The following ANKRD42 variants were observed in gnomAD, a reference collection of about 807,000 sequenced individuals.
ANKRD42 encodes ankyrin repeat domain-containing protein 42.
Under a neutral mutation model 51.5 loss-of-function variants are expected in ANKRD42, and 43 were observed. The ratio of observed to expected loss-of-function variants is 0.83; its 90% confidence interval spans 0.65 to 1.08. The LOEUF is 1.08. Ranked by LOEUF, ANKRD42 falls within the 50% of genes least tolerant of loss-of-function variation. The probability of loss-of-function intolerance (pLI) is 0.00; values close to 1 mark genes in which losing one functional copy is unlikely to be tolerated. For synonymous variants in ANKRD42, 203 were observed against 213.0 expected (o/e 0.95, Z 0.41); for missense variants, 608 against 629.3 (o/e 0.97, Z 0.36).
At chr11:83,234,060 G>T (rs536836920) in intron 7 of ANKRD42, among the ~76,000 whole-genome samples, 2 of 152,076 alleles carry the variant, frequency 1.3e-5, no homozygotes, top group African/African-American at 4.8e-5. Flanking sequence ...TCTTAGTACT[G>T]CTTTTGCTCT....
chr11:83,214,498 C>T (rs1862453544), intron 5 of ANKRD42: 2 of 978,588 alleles, frequency 2.0e-6, no homozygotes, highest in Non-Finnish European at 2.4e-6. Flanking sequence ...TATTTATAAC[C>T]AGGTAGAGTA....
downstream of ANKRD42, among the ~76,000 whole-genome samples, chr11:83,258,166 A>G (rs906603182): frequency 8.5e-5 from 13 of 152,200 alleles, no homozygotes; most frequent in Non-Finnish European, 1.8e-4. Context: ...GAGCTGACAT[A>G]TTAGCCCTAG....
chr11:83,205,358 C>T (rs1862030807), intron 2 of ANKRD42, among the ~76,000 whole-genome samples: 1 of 152,110 alleles, frequency 6.6e-6, no homozygotes, highest in African/African-American at 2.4e-5. Context: ...ATGATATTTA[C>T]TTGATAAGCC....
downstream of ANKRD42, chr11:83,261,932 T>C: frequency 6.2e-7 from 1 of 1,604,162 alleles, no homozygotes; most frequent in South Asian, 1.1e-5. Context: ...ATCTATAAAA[T>C]CCCAATGCTA....
chr11:83,199,980 C>T (rs905010268), intron 2 of ANKRD42, among the ~76,000 whole-genome samples: 9 of 152,104 alleles, frequency 5.9e-5, no homozygotes, highest in African/African-American at 2.2e-4. Flanking sequence ...TGTTTCCTCC[C>T]ACATTCCTAT....
In ANKRD42 at chr11:83,211,296, A is replaced by T. The variant is rs1347874445; in HGVS notation, c.452A>T (p.Asp151Val). Residue 151 changes from aspartate to valine, a missense_variant and splice_region_variant, in exon 5 of 11, where the codon GAT becomes GTT. Asp to Val is a radical substitution (Grantham distance 152). Transcript: ENST00000533342. ...TLQIMLRSGVDPSVTDKREWR... is the reference protein window; with the variant it reads ...TLQIMLRSGVVPSVTDKREWR... ...AGTCCTTGTGAATGTTACCTCTAGG[A>T]TCCCAGTGTGACTGATAAGAGAGAA... 1 of 1,614,172 alleles carries T rather than the reference A, an allele frequency of 6.2e-7. No homozygotes were observed. The highest frequency in any genetic ancestry group is 1.7e-5 in the Admixed American group (1 of 60,020).
downstream of ANKRD42, among the ~76,000 whole-genome samples, chr11:83,250,964 TCA>T (rs1242282368): frequency 6.6e-6 from 1 of 152,172 alleles, no homozygotes; most frequent in Non-Finnish European, 1.5e-5. Flanking sequence ...TCCATTTGAC[TCA>T]CAGTGGTCAG....
chr11:83,258,341 T>C (rs749681364), downstream of ANKRD42, among the ~76,000 whole-genome samples: 73 of 151,634 alleles, frequency 4.8e-4, no homozygotes, highest in Non-Finnish European at 9.6e-4. Flanking sequence ...TTTAGGTTAA[T>C]GAAACAAAAA....
chr11:83,248,439 A>C lies in ANKRD42; in HGVS notation c.*235A>C. 8.4e-7 allele frequency: 1 copy of C among 1,192,628 alleles called. No homozygotes were observed. The highest frequency in any genetic ancestry group is 1.0e-6 in the Non-Finnish European group (1 of 964,686). 73.9% of individuals were successfully genotyped at this position (1,192,628 alleles called of 1,614,324 possible). On this transcript the variant is annotated 3_prime_UTR_variant, in exon 11 of 11. Coordinates refer to ENST00000533342, the MANE Select transcript of ANKRD42 (RefSeq NM_001300975.2). The stretch of plus-strand genomic sequence containing the variant: ...TATTATTGTTAACATTGTACCATAG[A>C]AGGAGAAAATGTTTTCATAAGTAAT...
Position 83,194,545 on chromosome 11 carries a change from C to T in ANKRD42, c.-126C>T, listed in dbSNP as rs750025243. The T allele has an allele frequency of 3.8e-5, 34 of 890,574 alleles. No individual in the cohort carries two copies. Among genetic ancestry groups the T allele is most frequent in the Non-Finnish European group, 3.7e-6 (2 of 546,258 alleles). The allele number at this position is 890,574 out of a possible 1,614,324, so 55.2% of individuals were successfully genotyped here. Reference sequence around the variant, plus strand: ...GAGAGCAAGAGAGGACCTTGGGCCCCGTCCTAGTGACGACGGAGAAGAGGG... The same window carrying T: ...GAGAGCAAGAGAGGACCTTGGGCCCTGTCCTAGTGACGACGGAGAAGAGGG... On this transcript the variant is annotated 5_prime_UTR_variant, in exon 1 of 11. Transcript: ENST00000533342.
Position 83,248,655 on chromosome 11 carries a change from C to G in ANKRD42, c.*451C>G. The G allele has an allele frequency of 8.1e-6, 8 of 984,936 alleles. No homozygotes were observed. Among genetic ancestry groups the G allele is most frequent in the Non-Finnish European group, 9.6e-6 (8 of 829,562 alleles). 61.0% of individuals were successfully genotyped at this position (984,936 alleles called of 1,614,324 possible). A position where few individuals can be genotyped will look rare whatever the true frequency, so the allele number is the denominator to read the frequency against. On this transcript the variant is annotated 3_prime_UTR_variant, in exon 11 of 11. Transcript: ENST00000533342. Reference sequence around the variant, plus strand: ...GATCTATTAATATTATAGAATCTTCCTGGCTTCTTTTTATTTTGCACAAAC... The same window carrying G: ...GATCTATTAATATTATAGAATCTTCGTGGCTTCTTTTTATTTTGCACAAAC...
chr11:83,228,052 T>C (rs1395043440), intron 7 of ANKRD42, among the ~76,000 whole-genome samples, 180 bp downstream of exon 7: 1 of 152,150 alleles, frequency 6.6e-6, no homozygotes, highest in Non-Finnish European at 1.5e-5. Flanking sequence ...GTAATGTTTC[T>C]TTTATGATGC....
chr11:83,237,677 T>C (rs1863263302), intron 8 of ANKRD42, among the ~76,000 whole-genome samples: 2 of 152,238 alleles, frequency 1.3e-5, no homozygotes, highest in South Asian at 4.1e-4. Flanking sequence ...ACCATGTACC[T>C]GGGATCATTG....
At chr11:83,260,409 A>C (rs1863875136), downstream of ANKRD42, 1 of 152,218 alleles carries the variant, frequency 6.6e-6, no homozygotes, top group South Asian at 2.1e-4. Context: ...AGTGAAAATT[A>C]ATCTATAATA....
chr11:83,249,171 T>A (rs1208909477), downstream of ANKRD42, among the ~76,000 whole-genome samples: 2 of 152,202 alleles, frequency 1.3e-5, no homozygotes, highest in Admixed American at 1.3e-4. Context: ...CCCAGTCTCC[T>A]CAAAAGTAGA....
intron 5 of ANKRD42, among the ~76,000 whole-genome samples, chr11:83,216,587 G>A (rs574548886): frequency 6.6e-6 from 1 of 152,056 alleles, no homozygotes; most frequent in South Asian, 2.1e-4. Flanking sequence ...GCCTCCCAAA[G>A]TGCTGGGATT....
rs555287798 is a variant in ANKRD42, at chr11:83,194,327, G to T, written c.-344G>T. 1.5e-5 allele frequency: 8 copies of T among 535,176 alleles called. No individual in the cohort carries two copies. Among genetic ancestry groups the T allele is most frequent in the South Asian group, 1.1e-4 (7 of 65,256 alleles). The allele number at this position is 535,176 out of a possible 1,614,324, so 33.2% of individuals were successfully genotyped here. On this transcript the variant is annotated 5_prime_UTR_variant, in exon 1 of 11. Coordinates refer to ENST00000533342, the MANE Select transcript of ANKRD42 (RefSeq NM_001300975.2). ...AGTGACGATCGCAGTCGCCGCTTCA[G>T]TGGCTCCTGGGAGGGAGGGAGTGTC...
intron 4 of ANKRD42, among the ~76,000 whole-genome samples, chr11:83,210,702 C>T (rs547765532): frequency 1.7e-4 from 26 of 152,298 alleles, no homozygotes; most frequent in African/African-American, 3.9e-4. Context: ...AAGCTTCAAA[C>T]GAATCTTAAC....
At chr11:83,220,768 TTTATATG>T (rs1378002676) in intron 5 of ANKRD42, among the ~76,000 whole-genome samples, 2 of 152,168 alleles carry the variant, frequency 1.3e-5, no homozygotes, top group Non-Finnish European at 2.9e-5. Context: ...CTGGGGCACC[TTTATATG>T]TTATTCGTTT....
Sources: allele counts gnomAD v4.1 joint callset (sites outside exome capture counted in the v4.1 genomes callset), GRCh38; gene constraint gnomAD v4.1.1; transcripts MANE v1.5; gene names NCBI Gene and HGNC (gene_info 2026-07-23, HGNC 2026-07-21).